The following MCTP2 variants were observed in gnomAD, a reference collection of about 807,000 sequenced individuals.
MCTP2 encodes multiple C2 and transmembrane domain-containing protein 2.
MCTP2 carries 132 observed loss-of-function variants against 111.6 expected under a neutral mutation model. The ratio of observed to expected loss-of-function variants is 1.18; its 90% CI spans 1.03 to 1.37. The LOEUF (loss-of-function observed/expected upper bound fraction) is 1.37, where lower values mean the gene tolerates loss of function less well. MCTP2 is among the 40% of genes most tolerant of loss of function. The pLI, the probability that MCTP2 is intolerant of heterozygous loss-of-function variation, is 0.00. For missense variants in MCTP2, 1,183 were observed against 1,067.9 expected (o/e 1.11, Z -1.50); for synonymous variants, 395 against 387.7 (o/e 1.02, Z -0.22).
intron 20 of MCTP2, among the ~76,000 whole-genome samples, chr15:94,470,116 A>G (rs568332880): frequency 6.6e-6 from 1 of 152,294 alleles, no homozygotes; most frequent in East Asian, 1.9e-4. Flanking sequence ...TATTCTGACA[A>G]ATTGAATGGC....
In MCTP2 at chr15:94,298,461, C is replaced by T. The variant is rs141454907; in HGVS notation, c.196C>T (p.Arg66Trp). ...LEAEALAPEGRPYSGPQSSYT... is the reference protein window; with the variant it reads ...LEAEALAPEGWPYSGPQSSYT... ...GGCTGAGGCCTTGGCCCCAGAGGGCCGGCCTTACTCCGGGCCACAGTCTTC... is the reference window on the plus strand; with the variant it reads ...GGCTGAGGCCTTGGCCCCAGAGGGCTGGCCTTACTCCGGGCCACAGTCTTC... Residue 66 changes from arginine (R) to tryptophan (W), a missense_variant, in exon 2 of 23, where the codon CGG becomes TGG. Transcript: ENST00000357742. 24 of 1,614,012 alleles carry T rather than the reference C, an allele frequency of 1.5e-5. No homozygotes were observed. The East Asian group carries it at 2.2e-4, about 15-fold the overall frequency.
intron 21 of MCTP2, among the ~76,000 whole-genome samples, chr15:94,474,528 TCCTACGTCACAACC>T (rs892031446): frequency 2.2e-4 from 33 of 152,208 alleles, no homozygotes; most frequent in Non-Finnish European, 3.8e-4. Context: ...GCCCAGGTAT[TCCTACGTCACAACC>T]TTTTTTTTCT....
chr15:94,347,710 C>T (rs898250817), intron 8 of MCTP2, among the ~76,000 whole-genome samples: 1 of 152,106 alleles, frequency 6.6e-6, no homozygotes, highest in Non-Finnish European at 1.5e-5. Flanking sequence ...TGTTTCCAAG[C>T]CTTATTTCCC....
intron 19 of MCTP2, among the ~76,000 whole-genome samples, chr15:94,456,585 G>A (rs1470732885): frequency 6.6e-6 from 1 of 152,146 alleles, no homozygotes; most frequent in African/African-American, 2.4e-5. Context: ...GTACGCTCTG[G>A]CAGCATATCT....
At chr15:94,274,564 G>GAAAAGC (rs1211757203) in intron 1 of MCTP2, among the ~76,000 whole-genome samples, 2 of 151,852 alleles carry the variant, frequency 1.3e-5, no homozygotes, top group Non-Finnish European at 2.9e-5. Flanking sequence ...ATATAGAAAT[G>GAAAAGC]AAAAGCATAG....
chr15:94,339,507 G>A (rs561321251), intron 5 of MCTP2, 75 bp downstream of exon 5: 8 of 1,239,424 alleles, frequency 6.5e-6, no homozygotes, highest in Middle Eastern at 2.1e-4. Context: ...CCTCTTAGAC[G>A]TGAACTTGCC....
chr15:94,308,003 A>G (rs966724313), intron 2 of MCTP2, among the ~76,000 whole-genome samples: 1 of 152,190 alleles, frequency 6.6e-6, no homozygotes, highest in Non-Finnish European at 1.5e-5. Context: ...ACACCAATCT[A>G]ATGCTACTTA....
At chr15:94,318,463 T>C (rs2076480827) in intron 4 of MCTP2, among the ~76,000 whole-genome samples, 1 of 152,006 alleles carries the variant, frequency 6.6e-6, no homozygotes, top group Non-Finnish European at 1.5e-5. Context: ...TTTGTATTTT[T>C]AGTAGAGACG....
At chr15:94,271,620 A>G (rs2073910543) in intron 1 of MCTP2, among the ~76,000 whole-genome samples, 1 of 152,216 alleles carries the variant, frequency 6.6e-6, no homozygotes, top group Non-Finnish European at 1.5e-5. Flanking sequence ...TTGATGTTTT[A>G]GAAGCAAGAG....
intron 12 of MCTP2, among the ~76,000 whole-genome samples, chr15:94,382,403 T>C (rs1394785025): frequency 1.4e-4 from 22 of 152,246 alleles, no homozygotes; most frequent in Admixed American, 1.4e-3. Flanking sequence ...CTCCTTCCTT[T>C]ATGTCTGTGG....
intron 21 of MCTP2, among the ~76,000 whole-genome samples, chr15:94,470,693 C>T (rs1483587660): frequency 6.6e-6 from 1 of 152,134 alleles, no homozygotes; most frequent in Non-Finnish European, 1.5e-5. Flanking sequence ...ATGCCATTTC[C>T]CTTTGGGCTT....
chr15:94,360,794 C>T (rs150737066), intron 10 of MCTP2, among the ~76,000 whole-genome samples: 14 of 151,134 alleles, frequency 9.3e-5, no homozygotes, highest in East Asian at 7.8e-4. Flanking sequence ...TGTTTATAAC[C>T]GAGACATATA....
At chr15:94,315,458 A>G (rs2076336489) in intron 3 of MCTP2, 71 bp from the exon 4 acceptor site, 1 of 1,126,044 alleles carries the variant, frequency 8.9e-7, no homozygotes, top group Non-Finnish European at 1.3e-6. Flanking sequence ...TCCAAAATCG[A>G]GAAGTATTTC....
In MCTP2 at chr15:94,367,667, A is replaced by G; in HGVS notation, c.1364A>G (p.Asp455Gly). 2 of 1,612,190 alleles carry G rather than the reference A, an allele frequency of 1.2e-6. No individual in the cohort carries two copies. Among genetic ancestry groups the G allele is most frequent in the South Asian group, 1.1e-5 (1 of 90,986 alleles). Residue 455 changes from aspartate to glycine, a missense_variant, in exon 11 of 23, where the codon GAC becomes GGC. Coordinates refer to ENST00000357742, the MANE Select transcript of MCTP2 (RefSeq NM_001385001.1). ...GCCAACTGCCTGGAGCTGCCACTGG[A>G]CAGCTGTCTGGGGGCTCTCCTTATG... is the stretch of plus-strand genomic sequence containing the variant. ...KQANCLELPL[D>G]SCLGALLMLV...
intron 22 of MCTP2, 91 bp downstream of exon 22, chr15:94,476,884 A>AGT (rs2074411425): frequency 1.3e-6 from 1 of 746,208 alleles, no homozygotes; most frequent in Non-Finnish European, 2.3e-6. Context: ...TGCTTGTGTG[A>AGT]GTAATTGAGA....
chr15:94,411,593 A>G (rs959305350), intron 17 of MCTP2, among the ~76,000 whole-genome samples: 14 of 152,128 alleles, frequency 9.2e-5, no homozygotes, highest in African/African-American at 3.4e-4. Context: ...GGTTTACTAC[A>G]GCGTGTTGTA....
chr15:94,371,016 C>T (rs2079454908), intron 12 of MCTP2, among the ~76,000 whole-genome samples: 1 of 151,962 alleles, frequency 6.6e-6, no homozygotes, highest in Admixed American at 6.6e-5. Context: ...TATATTCGTA[C>T]AGCCTCTAAA....
At position 94,298,440 on chromosome 15, in the gene MCTP2, G is replaced by A. The variant is rs1452580008; in HGVS notation, c.175G>A (p.Glu59Lys). The change falls in exon 2 of 23, where the codon GAG becomes AAG. Residue 59 changes from glutamate to lysine, a missense_variant. Physicochemically the swap from Glu to Lys is moderately conservative, Grantham distance 56 (BLOSUM62 1). Transcript: ENST00000357742. ...SLSVPDLLEAEALAPEGRPYS... is the reference protein window; with the variant it reads ...SLSVPDLLEAKALAPEGRPYS... ...CTCTGTGCCTGATCTCCTGGAGGCTGAGGCCTTGGCCCCAGAGGGCCGGCC... is the reference window on the plus strand; with the variant it reads ...CTCTGTGCCTGATCTCCTGGAGGCTAAGGCCTTGGCCCCAGAGGGCCGGCC... The A allele has an allele frequency of 1.9e-6, 3 of 1,614,056 alleles. No homozygotes were observed. Among genetic ancestry groups the A allele is most frequent in the Non-Finnish European group, 2.5e-6 (3 of 1,180,010 alleles).
At chr15:94,476,645 TAGATAG>T (rs768012517) in intron 21 of MCTP2, 45 bp from the exon 22 acceptor site, 8 of 842,470 alleles carry the variant, frequency 9.5e-6, no homozygotes, top group Admixed American at 3.9e-5. Flanking sequence ...GATAGATAGA[TAGATAG>T]ACAGACAGAC....
Sources: allele counts gnomAD v4.1 joint callset (sites outside exome capture counted in the v4.1 genomes callset), GRCh38; gene constraint gnomAD v4.1.1; transcripts MANE v1.5; gene names NCBI Gene and HGNC (gene_info 2026-07-23, HGNC 2026-07-21).